DPP6: variants seen among roughly 807,000 people sequenced by gnomAD.
The protein encoded by DPP6 is A-type potassium channel modulatory protein DPP6.
DPP6 carries 69 observed loss-of-function variants against 122.6 expected under a neutral mutation model. That is an observed-to-expected ratio of 0.56 (90% CI 0.46 to 0.69). DPP6 has a LOEUF of 0.69. DPP6 is among the 30% of genes least tolerant of loss of function. DPP6 has a pLI of 0.00. For missense variants in DPP6, 928 were observed against 1,116.9 expected, an observed-to-expected ratio of 0.83 and a Z score of 2.41; for synonymous variants, 418 against 433.1, an observed-to-expected ratio of 0.97 and a Z score of 0.43.
chr7:154,402,693 A>G (rs1358165537), intron 1 of DPP6, among the ~76,000 whole-genome samples: 1 of 151,360 alleles, frequency 6.6e-6, no homozygotes, highest in Non-Finnish European at 1.5e-5. Flanking sequence ...GCACATGTAT[A>G]CATATGTAAC....
the DPP6 span, among the ~76,000 whole-genome samples, chr7:153,761,438 A>C: frequency 5.9e-5 from 9 of 152,246 alleles, no homozygotes; most frequent in Admixed American, 5.9e-4. Flanking sequence ...TTGAGGTCTG[A>C]AGACTGGAAG....
intron 6 of DPP6, among the ~76,000 whole-genome samples, chr7:154,644,775 C>A (rs1563053558): frequency 1.4e-5 from 2 of 148,120 alleles, no homozygotes; most frequent in Non-Finnish European, 3.0e-5. Flanking sequence ...GTGGCGCGAT[C>A]TCGGCTCACT....
intron 1 of DPP6, among the ~76,000 whole-genome samples, chr7:154,129,906 AAAAAAAG>A (rs1235828909): frequency 6.6e-6 from 1 of 151,408 alleles, no homozygotes; most frequent in African/African-American, 2.4e-5. Flanking sequence ...TCTCAAAAAA[AAAAAAAG>A]AAAAAGAAAA....
intron 16 of DPP6, among the ~76,000 whole-genome samples, chr7:154,840,948 C>T (rs557794422): frequency 3.3e-5 from 5 of 152,260 alleles, no homozygotes; most frequent in South Asian, 2.1e-4. Context: ...TTGCTGTTAA[C>T]GAGTCAATGT....
In DPP6 at chr7:153,964,409, A is replaced by G. The variant is rs1461756361; in HGVS notation, c.51+76675A>G. Among the ~76,000 whole-genome samples, 2 of 152,072 alleles carry G rather than the reference A, an allele frequency of 1.3e-5. 1 individual carries two copies. The highest frequency in any genetic ancestry group is 2.9e-5 in the Non-Finnish European group (2 of 68,020). On this transcript the variant is annotated intron_variant, in intron 1 of 25. Transcript: ENST00000404039. ...TCTTGTTGGCGTTTCTGAAAATACC[A>G]CAGGTTCTGGAGACGCTACCGCTTC...
Position 154,107,894 on chromosome 7 carries a change from T to G in DPP6, c.243+54831T>G, listed in dbSNP as rs567402594. ...ACTCAGTGAACAGCCTCAGGGGCCCTTCACAAAACTGGGCTGTCAGGGCCA... is the reference window on the plus strand; with the variant it reads ...ACTCAGTGAACAGCCTCAGGGGCCCGTCACAAAACTGGGCTGTCAGGGCCA... On this transcript the variant is annotated intron_variant, in intron 1 of 25. Transcript: ENST00000377770. 2.1e-3 allele frequency among the ~76,000 whole-genome samples: 320 copies of G among 152,290 alleles called. 1 individual carries two copies. Among genetic ancestry groups the G allele is most frequent in the African/African-American group, 7.4e-3 (309 of 41,566 alleles).
intron 1 of DPP6, among the ~76,000 whole-genome samples, chr7:154,406,048 T>G (rs967199182): frequency 1.3e-5 from 2 of 152,108 alleles, no homozygotes; most frequent in Non-Finnish European, 2.9e-5. Flanking sequence ...TAAATATAAA[T>G]AAATCTTATA....
At chr7:153,780,657 G>T in the DPP6 span, among the ~76,000 whole-genome samples, 19 of 152,290 alleles carry the variant, frequency 1.2e-4, no homozygotes, top group East Asian at 2.9e-3. Flanking sequence ...GGGAAAATAG[G>T]AGTAAATAAC....
At chr7:154,418,936 A>G (rs1817240320) in intron 1 of DPP6, among the ~76,000 whole-genome samples, 1 of 152,204 alleles carries the variant, frequency 6.6e-6, no homozygotes, top group African/African-American at 2.4e-5. Context: ...CAGACCCTCC[A>G]GGGCTATGGC....
At chr7:154,358,810 A>G (rs1456075949) in intron 1 of DPP6, among the ~76,000 whole-genome samples, 1 of 152,146 alleles carries the variant, frequency 6.6e-6, no homozygotes, top group Non-Finnish European at 1.5e-5. Context: ...GGTTCAAGCA[A>G]TTCTCCTGCC....
chr7:154,702,157 G>T (rs1840567273), intron 7 of DPP6, among the ~76,000 whole-genome samples: 1 of 152,218 alleles, frequency 6.6e-6, no homozygotes, highest in Admixed American at 6.5e-5. Context: ...CCTATATAAG[G>T]TGGCAAACGT....
rs1038090423 is a variant in DPP6 at position 154,257,681 on chromosome 7, G to A, written c.244-188533G>A. Among the ~76,000 whole-genome samples the A allele has an allele frequency of 3.9e-5, 6 of 151,986 alleles. No homozygotes were observed. In the East Asian group the frequency reaches 1.2e-3, roughly 30 times the overall value. ...CACTGCACTCCAGCCTGGGCAACAA[G>A]AGTGAAAACTCCATTTCAAAAATAA... On this transcript the variant is annotated intron_variant, in intron 1 of 25. Transcript: ENST00000377770.
At chr7:153,888,234 C>G (rs568576914) in intron 1 of DPP6, among the ~76,000 whole-genome samples, 1 of 152,328 alleles carries the variant, frequency 6.6e-6, no homozygotes, top group Non-Finnish European at 1.5e-5. Context: ...TCGCTCCGCT[C>G]CGTTCCAGAC....
chr7:153,797,269 G>T, the DPP6 span, among the ~76,000 whole-genome samples: 1 of 152,146 alleles, frequency 6.6e-6, no homozygotes, highest in African/African-American at 2.4e-5. Flanking sequence ...TGAATTTGGG[G>T]GTAATTTGTT....
chr7:153,862,947 A>G, the DPP6 span, among the ~76,000 whole-genome samples: 2 of 152,204 alleles, frequency 1.3e-5, no homozygotes, highest in African/African-American at 4.8e-5. Flanking sequence ...CCAACAGGGA[A>G]AAATAGATAA....
intron 1 of DPP6, among the ~76,000 whole-genome samples, chr7:154,250,120 T>C (rs1371269372): frequency 3.3e-5 from 5 of 152,188 alleles, no homozygotes; most frequent in African/African-American, 1.2e-4. Context: ...GCTTGCTCAA[T>C]TGATCACGAC....
chr7:154,813,450 A>G (rs1446274374), intron 16 of DPP6, among the ~76,000 whole-genome samples: 1 of 152,170 alleles, frequency 6.6e-6, no homozygotes, highest in Non-Finnish European at 1.5e-5. Flanking sequence ...AGTTACATTA[A>G]AAATATATTC....
chr7:154,363,902 A>G (rs1292471658), intron 1 of DPP6, among the ~76,000 whole-genome samples: 1 of 152,162 alleles, frequency 6.6e-6, no homozygotes, highest in African/African-American at 2.4e-5. Flanking sequence ...TAATATTTTA[A>G]AATGTTATTA....
In DPP6 at chr7:154,446,925, G is replaced by A. The variant is rs1054445649; in HGVS notation, c.358+597G>A. ...AGAAAGTTCATGGAGAAGGTAGTACGTAAAGTGGGCTTAATGGAGTAATGG... is the reference window on the plus strand; with the variant it reads ...AGAAAGTTCATGGAGAAGGTAGTACATAAAGTGGGCTTAATGGAGTAATGG... On this transcript the variant is annotated intron_variant, in intron 2 of 25. Transcript: ENST00000377770. Among the ~76,000 whole-genome samples, 4 of 152,186 alleles carry A rather than the reference G, an allele frequency of 2.6e-5. No homozygotes were observed. In the East Asian group the frequency reaches 5.8e-4, roughly 22 times the overall value.
Sources: allele counts gnomAD v4.1 joint callset (sites outside exome capture counted in the v4.1 genomes callset), GRCh38; gene constraint gnomAD v4.1.1; transcripts MANE v1.5; gene names NCBI Gene and HGNC (gene_info 2026-07-23, HGNC 2026-07-21).